Variants in TESK2 observed in about 807,000 individuals in gnomAD.
TESK2 encodes the protein testis associated actin remodelling kinase 2.
A neutral mutation model predicts 57.1 loss-of-function variants in TESK2; 39 were observed. The ratio of observed to expected loss-of-function variants is 0.68; its 90% CI spans 0.53 to 0.89. The LOEUF (loss-of-function observed/expected upper bound fraction) is 0.89, where lower values mean the gene tolerates loss of function less well. Among genes scored for constraint, TESK2 ranks in the 40% least tolerant of loss-of-function variants. The pLI is 0.00. For missense variants in TESK2, 646 were observed against 732.1 expected, an observed-to-expected ratio of 0.88 and a Z score of 1.36; for synonymous variants, 249 against 267.9, an observed-to-expected ratio of 0.93 and a Z score of 0.69.
At chr1:45,447,578 CT>C (rs58869570) in intron 2 of TESK2, among the ~76,000 whole-genome samples, 2 of 149,504 alleles carry the variant, frequency 1.3e-5, no homozygotes, top group Non-Finnish European at 3.0e-5. Flanking sequence ...TTGCAGTTAA[CT>C]TTTTTTTTTA....
rs72894361 is a variant in TESK2, at chr1:45,460,679, G to C, written c.-86-2808C>G. Reference sequence around the variant, plus strand: ...GGCAATCTTCCTGCCTCAGCTACCTGTGTAGCTGGGACTACAAGCATGTGC... The same window carrying C: ...GGCAATCTTCCTGCCTCAGCTACCTCTGTAGCTGGGACTACAAGCATGTGC... On this transcript the variant is annotated intron_variant, in intron 1 of 10. Coordinates refer to ENST00000372086, the MANE Select transcript of TESK2 (RefSeq NM_007170.3). Among the ~76,000 whole-genome samples the C allele has an allele frequency of 5.1e-3, 776 of 152,174 alleles. 8 individuals are homozygous for C. Among genetic ancestry groups the C allele is most frequent in the African/African-American group, 0.018 (731 of 41,532 alleles).
chr1:45,392,112 G>C (rs1649171580), intron 3 of TESK2, among the ~76,000 whole-genome samples: 1 of 152,146 alleles, frequency 6.6e-6, no homozygotes, highest in Admixed American at 6.5e-5. Context: ...GATTGAGACT[G>C]TCTCGCTCTG....
chr1:45,431,340 C>T (rs1490109446), intron 2 of TESK2, among the ~76,000 whole-genome samples: 2 of 152,122 alleles, frequency 1.3e-5, no homozygotes, highest in Admixed American at 1.3e-4. Context: ...ATCGCTTGAA[C>T]CCGGGAGACG....
intron 4 of TESK2, among the ~76,000 whole-genome samples, chr1:45,372,616 T>C (rs1457331484): frequency 6.6e-6 from 1 of 151,346 alleles, no homozygotes; most frequent in East Asian, 1.9e-4. Context: ...CCTGGTACAG[T>C]AGCTACTGTC....
chr1:45,432,521 C>T (rs1651014099), intron 2 of TESK2, among the ~76,000 whole-genome samples: 1 of 150,940 alleles, frequency 6.6e-6, no homozygotes, highest in African/African-American at 2.4e-5. Flanking sequence ...GAAACCCCAT[C>T]TCTACTAAAA....
At chr1:45,377,580 A>C (rs1239009115) in intron 4 of TESK2, among the ~76,000 whole-genome samples, 1 of 151,186 alleles carries the variant, frequency 6.6e-6, no homozygotes, top group Non-Finnish European at 1.5e-5. Context: ...CACCATGCCC[A>C]GCTAATTTTT....
At chr1:45,481,897 C>A (rs749942834) in intron 1 of TESK2, among the ~76,000 whole-genome samples, 17 of 152,158 alleles carry the variant, frequency 1.1e-4, no homozygotes, top group Admixed American at 2.0e-4. Context: ...CAACAGTAAA[C>A]AAATGGAAAG....
chr1:45,375,524 C>T (rs1014302228), intron 4 of TESK2, among the ~76,000 whole-genome samples: 2 of 150,764 alleles, frequency 1.3e-5, no homozygotes, highest in African/African-American at 4.9e-5. Flanking sequence ...AATTGTAAAC[C>T]ACCTAGCACT....
At chr1:45,485,195 T>TTTTTTTTTTTTTTTTTTTG (rs1653411310) in intron 1 of TESK2, among the ~76,000 whole-genome samples, 1 of 141,036 alleles carries the variant, frequency 7.1e-6, no homozygotes. Flanking sequence ...TTTTTGTTTT[T>TTTTTTTTTTTTTTTTTTTG]TGTTTTTTTT....
chr1:45,385,927 C>G lies in TESK2; in HGVS notation c.378G>C (p.Leu126Phe), dbSNP rs1428391951. Residue 126 changes from leucine to phenylalanine, a missense_variant, in exon 4 of 11, where the codon TTG (leucine) becomes TTC (phenylalanine). By Grantham distance (22) the Leu-to-Phe change is conservative (BLOSUM62 0). Coordinates refer to ENST00000372086, the MANE Select transcript of TESK2 (RefSeq NM_007170.3). ...FMGVCVHQGQ[L>F]HALTEYINSG... is the part of the protein sequence containing the mutation. ...GATGTCTTACCTCTGTAAGTGCATG[C>G]AATTGTCCTTGATGAACACATACAC... 5 of 1,607,588 alleles carry G rather than the reference C, an allele frequency of 3.1e-6. No homozygotes were observed. The highest frequency in any genetic ancestry group is 4.2e-6 in the Non-Finnish European group (5 of 1,176,656).
At chr1:45,470,971 A>G (rs1435405127) in intron 1 of TESK2, among the ~76,000 whole-genome samples, 1 of 152,190 alleles carries the variant, frequency 6.6e-6, no homozygotes, top group Non-Finnish European at 1.5e-5. Flanking sequence ...AGAGGCTCAC[A>G]CCTGTAATCC....
At chr1:45,416,257 A>G in intron 3 of TESK2, among the ~76,000 whole-genome samples, 1 of 150,646 alleles carries the variant, frequency 6.6e-6, no homozygotes, top group African/African-American at 2.4e-5. Context: ...TAATTTTTGT[A>G]TTTTTTGTAG....
intron 2 of TESK2, among the ~76,000 whole-genome samples, chr1:45,428,816 A>ATTTTG (rs1650822671): frequency 1.2e-5 from 1 of 82,592 alleles, no homozygotes; most frequent in Non-Finnish European, 2.1e-5. Flanking sequence ...TAAATTCCTG[A>ATTTTG]TTTTTTTTTT....
intron 3 of TESK2, among the ~76,000 whole-genome samples, chr1:45,409,392 G>C (rs1170122659): frequency 6.6e-6 from 1 of 152,190 alleles, no homozygotes; most frequent in Non-Finnish European, 1.5e-5. Flanking sequence ...AGAAACAAGA[G>C]GGTTAGTGAG....
At chr1:45,482,762 C>A (rs1327492000) in intron 1 of TESK2, among the ~76,000 whole-genome samples, 1 of 151,850 alleles carries the variant, frequency 6.6e-6, no homozygotes, top group Non-Finnish European at 1.5e-5. Context: ...GGTGGATCAC[C>A]TGAGGTCAGG....
intron 3 of TESK2, among the ~76,000 whole-genome samples, chr1:45,412,121 C>A (rs1650059277): frequency 1.3e-5 from 2 of 152,176 alleles, no homozygotes; most frequent in African/African-American, 4.8e-5. Context: ...ACAGACTGAA[C>A]CTTAACTGTC....
chr1:45,357,139 T>C (rs1014420385), intron 4 of TESK2, among the ~76,000 whole-genome samples: 1 of 151,886 alleles, frequency 6.6e-6, no homozygotes, highest in Non-Finnish European at 1.5e-5. Context: ...GAGGTAGTAG[T>C]GAGCTGAGAT....
chr1:45,431,232 T>C (rs989353443), intron 2 of TESK2, among the ~76,000 whole-genome samples: 8 of 151,944 alleles, frequency 5.3e-5, no homozygotes, highest in African/African-American at 7.3e-5. Context: ...TCCTGGCTAA[T>C]ATGGTGAAAC....
Position 45,344,763 on chromosome 1 carries a change from T to A in TESK2, c.*77A>T, listed in dbSNP as rs1647113211. ...CTGCTCTGTAGGCTCCAGGGAAGAA[T>A]CAAGGCTGTGCACCTAGGGGGCCAT... On this transcript the variant is annotated 3_prime_UTR_variant, in exon 11 of 11. Transcript: ENST00000372086. 17 of 1,376,084 alleles carry A rather than the reference T, an allele frequency of 1.2e-5. No individual in the cohort carries two copies. The Admixed American group carries it at 2.3e-4, about 18-fold the overall frequency. 85.2% of individuals were successfully genotyped at this position (1,376,084 alleles called of 1,614,324 possible).
Sources: gnomAD v4.1 joint callset for allele counts (sites outside exome capture counted in the v4.1 genomes callset) on GRCh38, gnomAD v4.1.1 for gene constraint, MANE v1.5 for transcripts, NCBI Gene and HGNC (gene_info 2026-07-23, HGNC 2026-07-21) for gene names.